Variants in ERF observed in about 807,000 individuals in gnomAD.
ERF encodes ETS2 repressor factor.
A neutral mutation model predicts 41.6 loss-of-function variants in ERF; 10 were observed. The ratio of observed to expected loss-of-function variants is 0.24; its 90% CI spans 0.15 to 0.41. The LOEUF (loss-of-function observed/expected upper bound fraction) is 0.41, where lower values mean the gene tolerates loss of function less well. ERF is among the 10% of genes least tolerant of loss of function. The probability of loss-of-function intolerance (pLI) is 1.00; values close to 1 mark genes in which losing one functional copy is unlikely to be tolerated. For synonymous variants in ERF, 395 were observed against 342.4 expected (o/e 1.15, Z -1.70); for missense variants, 621 against 763.2 (o/e 0.81, Z 2.19).
In ERF at chr19:42,250,291, G is replaced by T. The variant is rs747634276; in HGVS notation, c.257+40C>A. 1 of 1,597,272 alleles carries T rather than the reference G, an allele frequency of 6.3e-7. No individual in the cohort carries two copies. The highest frequency in any genetic ancestry group is 8.6e-7 in the Non-Finnish European group (1 of 1,168,796). Reference sequence around the variant, plus strand: ...CAAGGGGCTGTGCAACCCCGGGGGGGCACTCCACATGTGCTCAGGGGTCCC... The same window carrying T: ...CAAGGGGCTGTGCAACCCCGGGGGGTCACTCCACATGTGCTCAGGGGTCCC... On this transcript the variant is annotated intron_variant, in intron 2 of 3. Transcript: ENST00000222329. This position sits in a 1 kb window ranked among gnomAD's most constrained non-coding sequence, Gnocchi z 5.1.
chr19:42,250,205 A>C lies in ERF; in HGVS notation c.257+126T>G, dbSNP rs2036420823. Reference sequence around the variant, plus strand: ...CTCAGGGAAGGGCTGGGAGTGGCCCAAGGTCACACAGCTAGGATTTGGCAA... The same window carrying C: ...CTCAGGGAAGGGCTGGGAGTGGCCCCAGGTCACACAGCTAGGATTTGGCAA... On this transcript the variant is annotated intron_variant, in intron 2 of 3. Coordinates refer to ENST00000222329, the MANE Select transcript of ERF (RefSeq NM_006494.4). The surrounding 1 kb of genome is among the most constrained non-coding windows in gnomAD (Gnocchi z 5.1). 1 of 1,119,522 alleles carries C rather than the reference A, an allele frequency of 8.9e-7. No homozygotes were observed. The highest frequency in any genetic ancestry group is 1.5e-5 in the African/African-American group (1 of 64,610). 69.3% of individuals were successfully genotyped at this position (1,119,522 alleles called of 1,614,324 possible). A position where few individuals can be genotyped will look rare whatever the true frequency, so the allele number is the denominator to read the frequency against.
At chr19:42,253,271 G>A (rs1263481010) in intron 1 of ERF, among the ~76,000 whole-genome samples, 2 of 152,156 alleles carry the variant, frequency 1.3e-5, no homozygotes, top group Non-Finnish European at 2.9e-5. Flanking sequence ...CGCCAGAGCC[G>A]GGAAGAAAAC....
chr19:42,249,365 A>C lies in ERF; in HGVS notation c.747T>G (p.Pro249=). 1 of 1,576,318 alleles carries C rather than the reference A, an allele frequency of 6.3e-7. No homozygotes were observed. The highest frequency in any genetic ancestry group is 8.6e-7 in the Non-Finnish European group (1 of 1,161,738). The change falls in exon 4 of 4, where the codon CCT becomes CCG. Residue 249 remains proline, a synonymous_variant. Coordinates refer to ENST00000222329, the MANE Select transcript of ERF (RefSeq NM_006494.4). The surrounding 1 kb of genome is among the most constrained non-coding windows in gnomAD (Gnocchi z 8.6). ...RGGPEPLSPF[P]VSPLAGPGSL... ...ATCCAGGACCGGCCAGAGGCGACAC[A>C]GGGAAGGGGCTGAGGGGTTCAGGGC... is the stretch of plus-strand genomic sequence containing the variant.
Position 42,248,440 on chromosome 19 carries a change from C to T in ERF, c.*25G>A. Reference sequence around the variant, plus strand: ...CAAAAGAAGCATGGGGGGTGCGGGGCACACAGGTCCCCTGCCCACAGCCCT... The same window carrying T: ...CAAAAGAAGCATGGGGGGTGCGGGGTACACAGGTCCCCTGCCCACAGCCCT... On this transcript the variant is annotated 3_prime_UTR_variant, in exon 4 of 4. Transcript: ENST00000222329. This position sits in a 1 kb window ranked among gnomAD's most constrained non-coding sequence, Gnocchi z 4.2. The T allele has an allele frequency of 6.8e-7, 1 of 1,463,070 alleles. No homozygotes were observed. The highest frequency in any genetic ancestry group is 9.0e-7 in the Non-Finnish European group (1 of 1,107,976). 90.6% of individuals were successfully genotyped at this position (1,463,070 alleles called of 1,614,324 possible).
rs1194182351 is a variant in ERF, at chr19:42,248,566, C to G, written c.1546G>C (p.Glu516Gln). 3.8e-6 allele frequency: 6 copies of G among 1,572,208 alleles called. No homozygotes were observed. The highest frequency in any genetic ancestry group is 1.9e-5 in the Admixed American group (1 of 53,840). The change falls in exon 4 of 4, where the codon GAG becomes CAG. Residue 516 changes from glutamate (E) to glutamine (Q), a missense_variant. This residue lies in a region of ERF where 569 missense variants were observed against 625.5 expected (regional missense o/e 0.91). Transcript: ENST00000222329. The surrounding 1 kb of genome is among the most constrained non-coding windows in gnomAD (Gnocchi z 4.2). The part of the protein sequence containing the change: ...DEGEDKKVRG[E>Q]GPGEAGGPLT... ...GGCCCCCCAGCCTCCCCAGGCCCCT[C>G]CCCACGCACCTTCTTGTCCTCACCC...
chr19:42,254,122 G>A (rs1407295110), intron 1 of ERF, among the ~76,000 whole-genome samples: 1 of 151,844 alleles, frequency 6.6e-6, no homozygotes, highest in Non-Finnish European at 1.5e-5. Context: ...CCGACCGAGG[G>A]GGAGGGGAAC....
chr19:42,248,280 GCACC>G lies in ERF; in HGVS notation c.*181_*184del. On this transcript the variant is annotated 3_prime_UTR_variant, in exon 4 of 4. Coordinates refer to ENST00000222329, the MANE Select transcript of ERF (RefSeq NM_006494.4). This position sits in a 1 kb window ranked among gnomAD's most constrained non-coding sequence, Gnocchi z 4.2. Reference sequence around the variant, plus strand: ...GACAGGGAATAGCCCCTAGCCCTGGGCACCCACCCACCCCCACCATTTTTAAAAA... The same window carrying G: ...GACAGGGAATAGCCCCTAGCCCTGGGCACCCACCCCCACCATTTTTAAAAA... The G allele has an allele frequency of 2.7e-6, 1 of 371,594 alleles. No individual in the cohort carries two copies. The highest frequency in any genetic ancestry group is 4.3e-6 in the Non-Finnish European group (1 of 229,948). 23.0% of individuals were successfully genotyped at this position (371,594 alleles called of 1,614,324 possible). A position where few individuals can be genotyped will look rare whatever the true frequency, so the allele number is the denominator to read the frequency against.
chr19:42,248,700 G>A lies in ERF; in HGVS notation c.1412C>T (p.Ala471Val), dbSNP rs960372517. 4.3e-6 allele frequency: 7 copies of A among 1,611,510 alleles called. No homozygotes were observed. The highest frequency in any genetic ancestry group is 3.3e-5 in the Admixed American group (2 of 59,916). Residue 471 changes from alanine (A) to valine (V), a missense_variant, in exon 4 of 4, where the codon GCA (alanine) becomes GTA (valine). Around this residue, in one of 3 missense-constraint regions of ERF, gnomAD observed 569 missense variants for 625.5 expected, o/e 0.91. Transcript: ENST00000222329. The surrounding 1 kb of genome is among the most constrained non-coding windows in gnomAD (Gnocchi z 4.2). ...GGGCATGCACTGGGATGCCCCGGGTGCCTCGCCGGGCTCAGGCTTAGGGGG... is the reference window on the plus strand; with the variant it reads ...GGGCATGCACTGGGATGCCCCGGGTACCTCGCCGGGCTCAGGCTTAGGGGG... ...PAPPKPEPGEAPGASQCMPLK... is the reference protein window; with the variant it reads ...PAPPKPEPGEVPGASQCMPLK...
chr19:42,248,750 G>C lies in ERF; in HGVS notation c.1362C>G (p.Phe454Leu). The change falls in exon 4 of 4, where the codon TTC (phenylalanine) becomes TTG (leucine). Residue 454 changes from phenylalanine (F) to leucine (L), a missense_variant. Around this residue, in one of 3 missense-constraint regions of ERF, gnomAD observed 569 missense variants for 625.5 expected, o/e 0.91. Coordinates refer to ENST00000222329, the MANE Select transcript of ERF (RefSeq NM_006494.4). This position sits in a 1 kb window ranked among gnomAD's most constrained non-coding sequence, Gnocchi z 4.2. ...GTGCAGGTGGGGCACGGGGCGTCTTGAACACCTCCCCGTCTTCCTCATCCT... is the reference window on the plus strand; with the variant it reads ...GTGCAGGTGGGGCACGGGGCGTCTTCAACACCTCCCCGTCTTCCTCATCCT... ...SDEDEEDGEV[F>L]KTPRAPPAPP... The C allele has an allele frequency of 6.2e-7, 1 of 1,613,606 alleles. No individual in the cohort carries two copies. The highest frequency in any genetic ancestry group is 8.5e-7 in the Non-Finnish European group (1 of 1,179,968).
At chr19:42,254,017 G>T in intron 1 of ERF, 3 of 869,354 alleles carry the variant, frequency 3.5e-6, no homozygotes, top group Non-Finnish European at 4.2e-6. Context: ...GCGCTCGGGC[G>T]CAAAGTCCAG....
At chr19:42,251,443 G>C (rs1229752739) in intron 1 of ERF, 1 of 251,760 alleles carries the variant, frequency 4.0e-6, no homozygotes, top group African/African-American at 2.5e-5. Context: ...TGGGCAGCCT[G>C]GGGTGGGGGG....
In ERF at chr19:42,248,364, AAG is replaced by A; in HGVS notation, c.*99_*100del. ...GGGAGGGAAAAGGGAGGAGGCAGGGAAGAGACAAGAGAGCTGCCCTCACCTCC... is the reference window on the plus strand; with the variant it reads ...GGGAGGGAAAAGGGAGGAGGCAGGGAAGACAAGAGAGCTGCCCTCACCTCC... On this transcript the variant is annotated 3_prime_UTR_variant, in exon 4 of 4. Transcript: ENST00000222329. The surrounding 1 kb of genome is among the most constrained non-coding windows in gnomAD (Gnocchi z 4.2). 1 of 1,032,166 alleles carries A rather than the reference AAG, an allele frequency of 9.7e-7. No individual in the cohort carries two copies. The highest frequency in any genetic ancestry group is 1.3e-6 in the Non-Finnish European group (1 of 776,954). 63.9% of individuals were successfully genotyped at this position (1,032,166 alleles called of 1,614,324 possible).
intron 1 of ERF, chr19:42,253,850 A>T (rs575463755): frequency 8.4e-6 from 9 of 1,066,728 alleles, no homozygotes; most frequent in Non-Finnish European, 9.1e-6. Context: ...ACCCGCACAC[A>T]GGAGCCCGAG....
intron 1 of ERF, among the ~76,000 whole-genome samples, chr19:42,253,405 C>A (rs1254189407): frequency 6.6e-6 from 1 of 152,176 alleles, no homozygotes; most frequent in African/African-American, 2.4e-5. Flanking sequence ...TTCCAGGCCT[C>A]CTTCCCCTCC....
At position 42,249,748 on chromosome 19, in the gene ERF, G is replaced by A. The variant is rs1221155717; in HGVS notation, c.374-10C>T. ...TGGGGCACTGCACCCCCTGGCAGAA[G>A]GGAGACAGTGTCAAGGCCCCTGGCC... On this transcript the variant is annotated splice_polypyrimidine_tract_variant and intron_variant, in intron 3 of 3. Transcript: ENST00000222329. This position sits in a 1 kb window ranked among gnomAD's most constrained non-coding sequence, Gnocchi z 8.6. The A allele has an allele frequency of 1.9e-6, 3 of 1,609,118 alleles. No homozygotes were observed. Among genetic ancestry groups the A allele is most frequent in the Non-Finnish European group, 1.7e-6 (2 of 1,176,416 alleles).
intron 1 of ERF, among the ~76,000 whole-genome samples, chr19:42,253,199 A>C (rs2036473365): frequency 6.6e-6 from 1 of 152,116 alleles, no homozygotes; most frequent in Admixed American, 6.5e-5. Context: ...GTGGCAGAGG[A>C]AGAACACGCC....
chr19:42,254,715 A>C, intron 1 of ERF: 2 of 319,680 alleles, frequency 6.3e-6, no homozygotes, highest in Non-Finnish European at 5.7e-6. Flanking sequence ...GGAGTGGGGG[A>C]GAGCCCGGCC....
intron 1 of ERF, among the ~76,000 whole-genome samples, chr19:42,252,285 G>T (rs1450173905): frequency 6.6e-6 from 1 of 152,128 alleles, no homozygotes; most frequent in African/African-American, 2.4e-5. Flanking sequence ...CCTAGAAGGG[G>T]GGCCAAAGCC....
intron 1 of ERF, chr19:42,254,673 A>G: frequency 3.9e-6 from 1 of 253,220 alleles, no homozygotes. Flanking sequence ...ACAAGAGCGG[A>G]GGGGAAGGAC....
Sources: gnomAD v4.1 joint callset for allele counts (sites outside exome capture counted in the v4.1 genomes callset) on GRCh38, gnomAD v4.1.1 for gene constraint, gnomAD v4.1.1 regional missense constraint, Gnocchi (gnomAD v3.1) non-coding constraint, MANE v1.5 for transcripts, NCBI Gene and HGNC (gene_info 2026-07-23, HGNC 2026-07-21) for gene names.